ATG16L1: variants seen among roughly 807,000 people sequenced by gnomAD.
ATG16L1 encodes the protein autophagy-related protein 16-1.
Under a neutral mutation model 88.5 loss-of-function variants are expected in ATG16L1, and 37 were observed. The ratio of observed to expected loss-of-function variants is 0.42; its 90% confidence interval spans 0.32 to 0.55. The LOEUF (loss-of-function observed/expected upper bound fraction) is 0.55. ATG16L1 is among the 20% of genes least tolerant of loss of function. ATG16L1 has a pLI of 0.13. For synonymous variants in ATG16L1, 301 were observed against 281.0 expected (o/e 1.07, Z -0.71); for missense variants, 554 against 752.8 (o/e 0.74, Z 3.09).
intron 1 of ATG16L1, among the ~76,000 whole-genome samples, chr2:233,252,513 G>C (rs1284338440): frequency 6.6e-6 from 1 of 152,024 alleles, no homozygotes; most frequent in African/African-American, 2.4e-5. Flanking sequence ...CTCCCGAGTA[G>C]CTGGGATTAC....
At chr2:233,265,915 T>G (rs1473087024) in intron 5 of ATG16L1, 5 of 152,174 alleles carry the variant, frequency 3.3e-5, no homozygotes, top group African/African-American at 1.2e-4. Context: ...GTGGAAAATG[T>G]GCGTGTTTAA....
At chr2:233,284,530 C>T (rs895053943) in intron 12 of ATG16L1, among the ~76,000 whole-genome samples, 5 of 152,044 alleles carry the variant, frequency 3.3e-5, no homozygotes, top group South Asian at 4.2e-4. Context: ...GATGGGGTTT[C>T]ACCATGTTAA....
At chr2:233,274,895 C>G (rs1367031144) in intron 9 of ATG16L1, 117 bp downstream of exon 9, 6 of 678,110 alleles carry the variant, frequency 8.8e-6, no homozygotes, top group Admixed American at 2.9e-5. Flanking sequence ...TATATCAAGC[C>G]TTTCCACCTT....
chr2:233,292,939 A>G (rs1193437148), intron 16 of ATG16L1, among the ~76,000 whole-genome samples: 1 of 152,210 alleles, frequency 6.6e-6, no homozygotes, highest in Non-Finnish European at 1.5e-5. Context: ...AAGGCAGTCC[A>G]TGGGCTGAAA....
chr2:233,273,203 A>G, intron 7 of ATG16L1, 151 bp downstream of exon 7: 5 of 611,732 alleles, frequency 8.2e-6, no homozygotes, highest in Middle Eastern at 4.5e-4. Flanking sequence ...AGAGGTGTCC[A>G]GTCTTTCTCA....
chr2:233,290,891 G>T (rs6431262), intron 14 of ATG16L1, among the ~76,000 whole-genome samples: 96,276 of 151,946 alleles, frequency 0.63, 30,818 homozygotes, highest in South Asian at 0.77. Flanking sequence ...ATAAGCCATT[G>T]TCAAATCACT....
chr2:233,265,642 G>T (rs1304228322), intron 5 of ATG16L1, among the ~76,000 whole-genome samples: 3 of 152,020 alleles, frequency 2.0e-5, no homozygotes, highest in Non-Finnish European at 4.4e-5. Context: ...GCTAATTTTT[G>T]TATTTTTAGT....
At position 233,251,827 on chromosome 2, in the gene ATG16L1, C is replaced by G. The variant is rs1040975649; in HGVS notation, c.-1C>G. 6 of 1,549,768 alleles carry G rather than the reference C, an allele frequency of 3.9e-6. No homozygotes were observed. Among genetic ancestry groups the G allele is most frequent in the Non-Finnish European group, 5.2e-6 (6 of 1,146,788 alleles). On this transcript the variant is annotated 5_prime_UTR_variant, in exon 1 of 18. Coordinates refer to ENST00000392017, the MANE Select transcript of ATG16L1 (RefSeq NM_030803.7). Reference sequence around the variant, plus strand: ...GCTGAGGTGCCGGGGCAGCAAGTGACATGTCGTCGGGCCTCCGCGCCGCTG... The same window carrying G: ...GCTGAGGTGCCGGGGCAGCAAGTGAGATGTCGTCGGGCCTCCGCGCCGCTG...
intron 3 of ATG16L1, 31 bp downstream of exon 3, chr2:233,263,266 C>T: frequency 6.3e-7 from 1 of 1,592,398 alleles, no homozygotes; most frequent in Non-Finnish European, 8.6e-7. Flanking sequence ...CATCTGTCTT[C>T]TGCCCTCTAT....
rs1436545472 is a variant in ATG16L1 at position 233,277,644 on chromosome 2, G to A, written c.1031G>A (p.Arg344His). 1.9e-6 allele frequency: 3 copies of A among 1,613,910 alleles called. No homozygotes were observed. Among genetic ancestry groups the A allele is most frequent in the South Asian group, 1.1e-5 (1 of 91,078 alleles). The change falls in exon 10 of 18, where the codon CGC becomes CAC. Residue 344 changes from arginine to histidine, a missense_variant. Transcript: ENST00000392017. ...TTACTGGCCACTGGAGGCATGGACC[G>A]CAGGGTTAAGCTTTGGGAAGTATTT... ...SRLLATGGMDRRVKLWEVFGE... is the reference protein window; with the variant it reads ...SRLLATGGMDHRVKLWEVFGE...
intron 7 of ATG16L1, 200 bp from the exon 8 acceptor site, chr2:233,273,521 T>C: frequency 1.8e-6 from 1 of 560,474 alleles, no homozygotes; most frequent in Non-Finnish European, 3.2e-6. Context: ...TTGTTTCTTT[T>C]GAAACTTCTA....
At chr2:233,284,203 C>T (rs1427141884) in intron 12 of ATG16L1, among the ~76,000 whole-genome samples, 2 of 150,968 alleles carry the variant, frequency 1.3e-5, no homozygotes, top group Non-Finnish European at 2.9e-5. Context: ...GGCTGGAGTG[C>T]AATGACGTGA....
At chr2:233,264,132 C>T (rs952794221) in intron 4 of ATG16L1, 67 bp downstream of exon 4, 5 of 1,529,628 alleles carry the variant, frequency 3.3e-6, no homozygotes, top group Non-Finnish European at 4.5e-6. Context: ...CTGCTGACCT[C>T]TTGTGAGCAG....
Position 233,265,078 on chromosome 2 carries a change from C to G in ATG16L1, c.576C>G (p.Thr192=). ...KTTEENQELV[T]RWMAEKAQEA... is the part of the protein sequence containing the mutation. ...CGGAAGAGAACCAGGAGCTGGTCAC[C>G]AGATGGATGGCTGAGAAAGCCCAGG... Residue 192 remains threonine (T), a synonymous_variant, in exon 5 of 18, where the codon ACC becomes ACG. Transcript: ENST00000392017. 1 of 1,614,160 alleles carries G rather than the reference C, an allele frequency of 6.2e-7. No individual in the cohort carries two copies. The highest frequency in any genetic ancestry group is 8.5e-7 in the Non-Finnish European group (1 of 1,180,038).
chr2:233,290,235 G>A lies in ATG16L1; in HGVS notation c.1325-13G>A. The A allele has an allele frequency of 6.2e-7, 1 of 1,612,784 alleles. No individual in the cohort carries two copies. The highest frequency in any genetic ancestry group is 8.5e-7 in the Non-Finnish European group (1 of 1,178,762). ...TGCCTCTGCTTGATTAATGATGTTT[G>A]CATTTCTTTCAGGCATAAAGACAGT... On this transcript the variant is annotated splice_polypyrimidine_tract_variant and intron_variant, in intron 13 of 17. Transcript: ENST00000392017.
chr2:233,257,013 TTTTTGTTTTGTTTTGTTTTG>T (rs60165246), intron 2 of ATG16L1, among the ~76,000 whole-genome samples: 2 of 149,216 alleles, frequency 1.3e-5, no homozygotes, highest in South Asian at 4.3e-4. Flanking sequence ...CTTACAATTT[TTTTTGTTTTGTTTTGTTTTG>T]TTTTGTTTTG....
At chr2:233,270,140 T>A (rs1697891326) in intron 6 of ATG16L1, 73 bp downstream of exon 6, 8 of 1,458,852 alleles carry the variant, frequency 5.5e-6, no homozygotes, top group South Asian at 5.4e-5. Context: ...TTTTTATTTT[T>A]TTTTTTGTTT....
chr2:233,292,241 T>C lies in ATG16L1; in HGVS notation c.1544T>C (p.Ile515Thr), dbSNP rs748890352. ...SCSRDDLLKV[I>T]DLRTNAIKQT... The stretch of plus-strand genomic sequence containing the variant: ...TCCCGTGATGACTTGCTAAAAGTTA[T>C]TGATCTCCGAACAAATGCTATCAAG... Residue 515 changes from isoleucine to threonine, a missense_variant, in exon 15 of 18, where the codon ATT becomes ACT. Transcript: ENST00000392017. The C allele has an allele frequency of 6.8e-6, 11 of 1,614,256 alleles. No individual in the cohort carries two copies. The highest frequency in any genetic ancestry group is 2.2e-5 in the East Asian group (1 of 44,890).
rs888459690 is a variant in ATG16L1 at position 233,295,037 on chromosome 2, C to G, written c.*687C>G. 1.3e-5 allele frequency: 2 copies of G among 152,232 alleles called. No homozygotes were observed. Among genetic ancestry groups the G allele is most frequent in the Non-Finnish European group, 2.9e-5 (2 of 68,040 alleles). 9.4% of individuals were successfully genotyped at this position (152,232 alleles called of 1,614,324 possible). A position where few individuals can be genotyped will look rare whatever the true frequency, so the allele number is the denominator to read the frequency against. ...GGGAGAGGATGTGTGAAAATCTTTTCCAGGGAAATGGGTTCGCTGCAGAGG... is the reference window on the plus strand; with the variant it reads ...GGGAGAGGATGTGTGAAAATCTTTTGCAGGGAAATGGGTTCGCTGCAGAGG... On this transcript the variant is annotated 3_prime_UTR_variant, in exon 18 of 18. Coordinates refer to ENST00000392017, the MANE Select transcript of ATG16L1 (RefSeq NM_030803.7).
Sources: allele counts gnomAD v4.1 joint callset (sites outside exome capture counted in the v4.1 genomes callset), GRCh38; gene constraint gnomAD v4.1.1; transcripts MANE v1.5; gene names NCBI Gene and HGNC (gene_info 2026-07-23, HGNC 2026-07-21).